Variants in PRDM16 observed in about 807,000 individuals in gnomAD.
PRDM16 encodes PR/SET domain 16.
PRDM16 carries 23 observed loss-of-function variants against 110.6 expected under a neutral mutation model. That is an observed-to-expected ratio of 0.21 (90% CI 0.15 to 0.29). PRDM16 has a LOEUF of 0.29. Among genes scored for constraint, PRDM16 ranks in the 10% least tolerant of loss-of-function variants. The pLI, the probability that PRDM16 is intolerant of heterozygous loss-of-function variation, is 1.00. For missense variants in PRDM16, 1,615 were observed against 1,794.3 expected, an observed-to-expected ratio of 0.90 and a Z score of 1.81; for synonymous variants, 799 against 781.8, an observed-to-expected ratio of 1.02 and a Z score of -0.37.
chr1:3,196,782 C>T (rs1638488921), intron 2 of PRDM16, among the ~76,000 whole-genome samples: 1 of 152,208 alleles, frequency 6.6e-6, no homozygotes, highest in Non-Finnish European at 1.5e-5. Flanking sequence ...GGGAAAGGGG[C>T]CCGCCCTGAA....
chr1:3,117,047 C>G (rs1211175420), intron 1 of PRDM16, among the ~76,000 whole-genome samples: 1 of 152,214 alleles, frequency 6.6e-6, no homozygotes, highest in Non-Finnish European at 1.5e-5. Flanking sequence ...GGCACAGCTG[C>G]CCCCAGGACC....
chr1:3,404,986 T>G (rs1196043960), intron 7 of PRDM16, 100 bp downstream of exon 7: 1 of 1,354,196 alleles, frequency 7.4e-7, no homozygotes, highest in Non-Finnish European at 1.0e-6. Flanking sequence ...CAAATGTAGA[T>G]GGAGTGCGGC....
chr1:3,118,641 A>G (rs1643022830), intron 1 of PRDM16, among the ~76,000 whole-genome samples: 1 of 152,230 alleles, frequency 6.6e-6, no homozygotes, highest in African/African-American at 2.4e-5. Flanking sequence ...CCACATGCTC[A>G]GGTGCTCTGT....
intron 2 of PRDM16, among the ~76,000 whole-genome samples, chr1:3,194,080 C>T (rs570947027): frequency 7.2e-5 from 11 of 152,356 alleles, no homozygotes; most frequent in African/African-American, 2.2e-4. Flanking sequence ...GTGGAGAGCC[C>T]GCCTGCATGT....
intron 3 of PRDM16, among the ~76,000 whole-genome samples, chr1:3,378,281 G>A (rs992177915): frequency 8.5e-5 from 13 of 152,228 alleles, no homozygotes; most frequent in Admixed American, 3.9e-4. Flanking sequence ...TTGGGCAGCC[G>A]GAGGGCCACC....
rs565541708 is a variant in PRDM16 at position 3,431,271 on chromosome 1, G to C, written c.3521+163G>C. On this transcript the variant is annotated intron_variant, in intron 15 of 16. Transcript: ENST00000270722. ...CACACACAGGCCAGGGCAAGGCTGG[G>C]CCAGGGGCAACGGGGTCAGGGGCCC... Among the ~76,000 whole-genome samples the C allele has an allele frequency of 2.7e-4, 41 of 152,336 alleles. No individual in the cohort carries two copies. The East Asian group carries it at 7.7e-3, about 29-fold the overall frequency.
intron 3 of PRDM16, among the ~76,000 whole-genome samples, chr1:3,342,390 C>T (rs938566367): frequency 2.6e-5 from 4 of 152,242 alleles, no homozygotes; most frequent in Admixed American, 6.5e-5. Context: ...CCTTCTGCCA[C>T]GTCACCTCTC....
intron 1 of PRDM16, among the ~76,000 whole-genome samples, chr1:3,075,662 A>G (rs1042831100): frequency 6.6e-6 from 1 of 152,252 alleles, no homozygotes; most frequent in African/African-American, 2.4e-5. Flanking sequence ...TGACTATTTC[A>G]TCTCCTCTGA....
At chr1:3,210,148 C>T (rs1638847043) in intron 2 of PRDM16, among the ~76,000 whole-genome samples, 1 of 152,192 alleles carries the variant, frequency 6.6e-6, no homozygotes, top group South Asian at 2.1e-4. Flanking sequence ...TCGCTATGTG[C>T]CGATGTGTTC....
intron 1 of PRDM16, among the ~76,000 whole-genome samples, chr1:3,110,104 C>A (rs1426706746): frequency 5.4e-5 from 8 of 147,376 alleles, no homozygotes; most frequent in East Asian, 2.0e-4. Context: ...GTGGCTGTGG[C>A]TCCCCCATGT....
intron 3 of PRDM16, among the ~76,000 whole-genome samples, chr1:3,348,454 C>A (rs2100528871): frequency 6.6e-6 from 1 of 152,306 alleles, no homozygotes; most frequent in South Asian, 2.1e-4. Context: ...ATCCGCGGGC[C>A]AAGGACATTT....
chr1:3,158,916 C>G (rs1462265762), intron 1 of PRDM16, among the ~76,000 whole-genome samples: 1 of 152,012 alleles, frequency 6.6e-6, no homozygotes, highest in Admixed American at 6.6e-5. Context: ...CTGGAAGGCG[C>G]CTGCCACCAC....
At chr1:3,371,368 G>A (rs913748150) in intron 3 of PRDM16, among the ~76,000 whole-genome samples, 1 of 138,712 alleles carries the variant, frequency 7.2e-6, no homozygotes, top group African/African-American at 2.8e-5. Flanking sequence ...TCATCCATTT[G>A]TCCATCCACC....
At chr1:3,369,297 G>A (rs759975785) in intron 3 of PRDM16, among the ~76,000 whole-genome samples, 1 of 152,186 alleles carries the variant, frequency 6.6e-6, no homozygotes, top group Non-Finnish European at 1.5e-5. Context: ...CGTGCCCACG[G>A]TTTGGGAAGG....
chr1:3,221,539 T>C (rs965780831), intron 2 of PRDM16, among the ~76,000 whole-genome samples: 2 of 152,232 alleles, frequency 1.3e-5, no homozygotes, highest in African/African-American at 4.8e-5. Context: ...GCATTGCTGG[T>C]CGGGCCAGCA....
In PRDM16 at chr1:3,186,285, G is replaced by A. The variant is rs377760808; in HGVS notation, c.198G>A (p.Ser66=). 44 of 1,611,304 alleles carry A rather than the reference G, an allele frequency of 2.7e-5. 1 individual carries two copies. Among genetic ancestry groups the A allele is most frequent in the South Asian group, 2.0e-4 (18 of 90,944 alleles). The change falls in exon 2 of 17, where the codon TCG becomes TCA. Residue 66 remains serine (S), a synonymous_variant. Coordinates refer to ENST00000270722, the MANE Select transcript of PRDM16 (RefSeq NM_022114.4). The part of the protein sequence containing the change: ...TSEDFTPKEG[S]PYEAPVYIPE... The stretch of plus-strand genomic sequence containing the variant: ...AGGACTTCACCCCCAAGGAGGGCTC[G>A]CCGTACGAGGCCCCTGTCTACATTC...
intron 1 of PRDM16, among the ~76,000 whole-genome samples, chr1:3,171,360 G>A (rs1240582326): frequency 6.6e-6 from 1 of 152,236 alleles, no homozygotes; most frequent in African/African-American, 2.4e-5. Context: ...AAATCTCCGA[G>A]TGTGTTTTCT....
chr1:3,426,823 G>C (rs1023787899), intron 14 of PRDM16, among the ~76,000 whole-genome samples: 2 of 152,204 alleles, frequency 1.3e-5, no homozygotes, highest in Non-Finnish European at 2.9e-5. Context: ...CCTGGGGACA[G>C]GGCAGGACGT....
intron 1 of PRDM16, among the ~76,000 whole-genome samples, chr1:3,071,739 T>G (rs1197179779): frequency 6.6e-6 from 1 of 151,990 alleles, no homozygotes; most frequent in Non-Finnish European, 1.5e-5. Flanking sequence ...CAGGGGACTG[T>G]GGGGTTGGGC....
Sources: gnomAD v4.1 joint callset for allele counts (sites outside exome capture counted in the v4.1 genomes callset) on GRCh38, gnomAD v4.1.1 for gene constraint, MANE v1.5 for transcripts, NCBI Gene and HGNC (gene_info 2026-07-23, HGNC 2026-07-21) for gene names.